Variants in KAZN observed in about 807,000 individuals in gnomAD.
The protein encoded by KAZN is kazrin.
In KAZN, 40 loss-of-function variants were observed where a neutral mutation model predicts 87.4. The ratio of observed to expected loss-of-function variants is 0.46; its 90% CI spans 0.36 to 0.60. The LOEUF is 0.60. Ranked by LOEUF, KAZN falls within the 20% of genes least tolerant of loss-of-function variation. The probability of loss-of-function intolerance (pLI) is 0.00; values close to 1 mark genes in which losing one functional copy is unlikely to be tolerated. For missense variants in KAZN, 898 were observed against 1,073.9 expected (o/e 0.84, Z 2.29); for synonymous variants, 466 against 458.3 (o/e 1.02, Z -0.22).
At chr1:14,270,792 T>C (rs1281156252) in intron 2 of KAZN, among the ~76,000 whole-genome samples, 1 of 152,172 alleles carries the variant, frequency 6.6e-6, no homozygotes, top group African/African-American at 2.4e-5. Context: ...TTTCTGGACC[T>C]CATAAGGCAC....
chr1:14,842,603 T>G (rs1240820653), intron 1 of KAZN, among the ~76,000 whole-genome samples: 1 of 152,258 alleles, frequency 6.6e-6, no homozygotes. Context: ...AATTGACATC[T>G]GTTTACATTA....
intron 1 of KAZN, among the ~76,000 whole-genome samples, chr1:14,927,648 C>T (rs949375240): frequency 2.6e-5 from 4 of 152,104 alleles, no homozygotes; most frequent in African/African-American, 9.7e-5. Flanking sequence ...TCTTTGTAGA[C>T]GAGGCACTCT....
chr1:13,901,336 T>G lies in KAZN; in HGVS notation c.91+7580T>G, dbSNP rs566431894. ...GAGTAAATAAAATTCCAATATTACT[T>G]AAACAAAATGTGGATCATCTGATCC... On this transcript the variant is annotated intron_variant, in intron 1 of 16. Transcript: ENST00000636203. 3.3e-5 allele frequency among the ~76,000 whole-genome samples: 5 copies of G among 152,292 alleles called. No homozygotes were observed. In the East Asian group the frequency reaches 9.6e-4, roughly 29 times the overall value.
At chr1:14,764,499 GC>G (rs144390645) in intron 1 of KAZN, among the ~76,000 whole-genome samples, 12 of 150,518 alleles carry the variant, frequency 8.0e-5, no homozygotes, top group Non-Finnish European at 1.3e-4. Flanking sequence ...CCGCCCCTCT[GC>G]CCCCCCATAG....
intron 1 of KAZN, among the ~76,000 whole-genome samples, chr1:14,612,684 G>T (rs1351078681): frequency 6.6e-6 from 1 of 152,170 alleles, no homozygotes; most frequent in South Asian, 2.1e-4. Flanking sequence ...ATTCTTTGTT[G>T]TGGGGGCGGG....
chr1:14,958,514 A>T (rs970648131), intron 1 of KAZN, among the ~76,000 whole-genome samples: 7 of 152,150 alleles, frequency 4.6e-5, no homozygotes, highest in African/African-American at 1.7e-4. Context: ...GAGGAGGGGC[A>T]CTTCCAATGC....
At chr1:14,166,827 T>C (rs1381683266) in intron 1 of KAZN, among the ~76,000 whole-genome samples, 1 of 152,242 alleles carries the variant, frequency 6.6e-6, no homozygotes, top group African/African-American at 2.4e-5. Context: ...ACTTGGAACA[T>C]AATCACTTTT....
At chr1:14,606,194 C>A (rs756593598) in intron 1 of KAZN, among the ~76,000 whole-genome samples, 3 of 152,202 alleles carry the variant, frequency 2.0e-5, no homozygotes, top group African/African-American at 4.8e-5. Context: ...CCCACTAGGT[C>A]TCTCTGCTGT....
chr1:14,543,494 C>G (rs924702668), intron 2 of KAZN, among the ~76,000 whole-genome samples: 4 of 152,192 alleles, frequency 2.6e-5, no homozygotes, highest in African/African-American at 9.7e-5. Context: ...CAATGCCTGT[C>G]CATCCCATGC....
At chr1:14,950,181 C>T (rs547972034) in intron 1 of KAZN, among the ~76,000 whole-genome samples, 1 of 152,032 alleles carries the variant, frequency 6.6e-6, no homozygotes, top group East Asian at 1.9e-4. Context: ...ATTTGAGAGT[C>T]TTCTCCTATT....
chr1:14,321,879 G>T (rs1420833451), intron 2 of KAZN, among the ~76,000 whole-genome samples: 1 of 152,158 alleles, frequency 6.6e-6, no homozygotes, highest in African/African-American at 2.4e-5. Flanking sequence ...ATACCAAATT[G>T]CAAAAGAAGA....
At chr1:14,629,977 A>G (rs1190266834) in intron 1 of KAZN, among the ~76,000 whole-genome samples, 2 of 150,772 alleles carry the variant, frequency 1.3e-5, no homozygotes, top group Admixed American at 1.3e-4. Flanking sequence ...GCATTTGCCA[A>G]TTCCCATGGT....
At chr1:13,901,416 G>A (rs1639246317) in intron 1 of KAZN, among the ~76,000 whole-genome samples, 1 of 152,222 alleles carries the variant, frequency 6.6e-6, no homozygotes, top group Non-Finnish European at 1.5e-5. Flanking sequence ...CGGATATTTG[G>A]TCTGAAACAA....
chr1:14,770,448 T>C (rs1005211923), intron 1 of KAZN, among the ~76,000 whole-genome samples: 2 of 152,064 alleles, frequency 1.3e-5, no homozygotes, highest in Admixed American at 6.6e-5. Flanking sequence ...CTATGAGGGA[T>C]GAGGGCAAGG....
chr1:14,776,404 G>A (rs1407745991), intron 1 of KAZN, among the ~76,000 whole-genome samples: 1 of 152,178 alleles, frequency 6.6e-6, no homozygotes, highest in South Asian at 2.1e-4. Flanking sequence ...CCCACCAAAG[G>A]CACATGACCC....
chr1:13,969,642 T>C (rs1642068838), intron 1 of KAZN, among the ~76,000 whole-genome samples: 1 of 152,124 alleles, frequency 6.6e-6, no homozygotes, highest in South Asian at 2.1e-4. Context: ...CACTGGCTGT[T>C]CCTTCTGCTT....
At chr1:14,339,234 C>G (rs1264777527) in intron 2 of KAZN, among the ~76,000 whole-genome samples, 3 of 152,186 alleles carry the variant, frequency 2.0e-5, no homozygotes, top group Non-Finnish European at 2.9e-5. Flanking sequence ...AGAACACACT[C>G]CTGTTCTCAT....
chr1:14,602,189 C>A (rs901167778), intron 1 of KAZN, among the ~76,000 whole-genome samples: 1 of 152,026 alleles, frequency 6.6e-6, no homozygotes, highest in African/African-American at 2.4e-5. Context: ...TTGGTTGGTA[C>A]TCCCTGTGAG....
chr1:13,989,344 G>T (rs545820169), intron 1 of KAZN, among the ~76,000 whole-genome samples: 1 of 152,242 alleles, frequency 6.6e-6, no homozygotes, highest in East Asian at 1.9e-4. Flanking sequence ...TCTGGGTACT[G>T]TGGGGTTACA....
Sources: gnomAD v4.1 joint callset for allele counts (sites outside exome capture counted in the v4.1 genomes callset) on GRCh38, gnomAD v4.1.1 for gene constraint, MANE v1.5 for transcripts, NCBI Gene and HGNC (gene_info 2026-07-23, HGNC 2026-07-21) for gene names.